The following MYO9A variants were observed in gnomAD, a reference collection of about 807,000 sequenced individuals.
MYO9A encodes the protein unconventional myosin-IXa.
A neutral mutation model predicts 293.3 loss-of-function variants in MYO9A; 103 were observed. That is an observed-to-expected ratio of 0.35 (90% CI 0.30 to 0.41). The LOEUF is 0.41. MYO9A is among the 10% of genes least tolerant of loss of function. The pLI, the probability that MYO9A is intolerant of heterozygous loss-of-function variation, is 1.00. For missense variants in MYO9A, 2,685 were observed against 3,033.0 expected (o/e 0.89, Z 2.69); for synonymous variants, 1,001 against 1,035.7 (o/e 0.97, Z 0.64).
intron 2 of MYO9A, among the ~76,000 whole-genome samples, chr15:72,034,857 A>T (rs377691793): frequency 1.2e-4 from 19 of 152,344 alleles, no homozygotes; most frequent in African/African-American, 4.6e-4. Flanking sequence ...CAATGTCAAC[A>T]GCAAATCAGA....
At chr15:72,105,923 C>T (rs1015458192) in intron 1 of MYO9A, among the ~76,000 whole-genome samples, 12 of 151,846 alleles carry the variant, frequency 7.9e-5, no homozygotes, top group African/African-American at 1.9e-4. Context: ...ATGGTACATC[C>T]GTATAATAGA....
At chr15:71,835,743 G>A (rs1353004076) in intron 39 of MYO9A, among the ~76,000 whole-genome samples, 1 of 152,028 alleles carries the variant, frequency 6.6e-6, no homozygotes, top group Non-Finnish European at 1.5e-5. Flanking sequence ...AAAATCCCAA[G>A]AGAATTTTTT....
chr15:72,040,379 G>T (rs1318449055), intron 2 of MYO9A: 1 of 152,286 alleles, frequency 6.6e-6, no homozygotes, highest in Non-Finnish European at 1.5e-5. Flanking sequence ...AAGACAGGGT[G>T]AAGACTTGTG....
chr15:72,104,552 T>A (rs979669415), intron 1 of MYO9A, among the ~76,000 whole-genome samples: 5 of 152,184 alleles, frequency 3.3e-5, no homozygotes, highest in African/African-American at 1.2e-4. Context: ...AGGAAGTTGG[T>A]CATGGTAGAT....
chr15:72,030,994 C>T (rs1291187547), intron 3 of MYO9A, among the ~76,000 whole-genome samples: 1 of 152,170 alleles, frequency 6.6e-6, no homozygotes, highest in East Asian at 1.9e-4. Context: ...GCTCCACCTC[C>T]TGTCAGATCA....
At chr15:71,928,577 G>C (rs1226744843) in intron 18 of MYO9A, among the ~76,000 whole-genome samples, 2 of 151,932 alleles carry the variant, frequency 1.3e-5, no homozygotes, top group African/African-American at 4.8e-5. Flanking sequence ...CACTAACACA[G>C]GATATCATTT....
intron 1 of MYO9A, among the ~76,000 whole-genome samples, chr15:72,097,957 G>C (rs1335521952): frequency 6.6e-6 from 1 of 151,766 alleles, no homozygotes; most frequent in Non-Finnish European, 1.5e-5. Context: ...AGAAGAAACA[G>C]AAAAAGAAAG....
chr15:71,823,021 G>A lies in MYO9A; in HGVS notation c.*3559C>T, dbSNP rs1356111263. 6.6e-6 allele frequency: 1 copy of A among 152,102 alleles called. No individual in the cohort carries two copies. The highest frequency in any genetic ancestry group is 1.5e-5 in the Non-Finnish European group (1 of 68,028). 9.4% of individuals were successfully genotyped at this position (152,102 alleles called of 1,614,324 possible). ...TATTGCAGGACAGTGCTGGGGAGTT[G>A]TCACAAGAGTATGGGTGGACATAAC... On this transcript the variant is annotated 3_prime_UTR_variant, in exon 42 of 42. Transcript: ENST00000356056.
At chr15:72,062,445 C>G (rs2078904068) in intron 1 of MYO9A, among the ~76,000 whole-genome samples, 1 of 152,140 alleles carries the variant, frequency 6.6e-6, no homozygotes, top group Admixed American at 6.5e-5. Flanking sequence ...CTCAACAAAA[C>G]TCAAGATAAC....
chr15:72,091,017 A>G (rs2079889086), intron 1 of MYO9A, among the ~76,000 whole-genome samples: 1 of 150,038 alleles, frequency 6.7e-6, no homozygotes. Flanking sequence ...ATAAAAAAGC[A>G]ACACCTCATC....
rs967625147 is a variant in MYO9A, at chr15:71,951,344, AT to A, written c.2302+432del. 6.6e-5 allele frequency among the ~76,000 whole-genome samples: 10 copies of A among 152,264 alleles called. No individual in the cohort carries two copies. The South Asian group carries it at 1.0e-3, about 16-fold the overall frequency. ...ATTCATTATCTTGACTCTGGAGATA[AT>A]TTCATGGGTGCCTACATACGTCAAA... On this transcript the variant is annotated intron_variant, in intron 15 of 41. Coordinates refer to ENST00000356056, the MANE Select transcript of MYO9A (RefSeq NM_006901.4).
At chr15:71,873,376 C>T (rs1346678597) in intron 32 of MYO9A, among the ~76,000 whole-genome samples, 3 of 152,094 alleles carry the variant, frequency 2.0e-5, no homozygotes, top group African/African-American at 7.2e-5. Flanking sequence ...AACTCTTCTT[C>T]AATAAAGAAC....
intron 19 of MYO9A, among the ~76,000 whole-genome samples, chr15:71,915,905 A>G (rs2057996703): frequency 6.6e-6 from 1 of 152,144 alleles, no homozygotes; most frequent in South Asian, 2.1e-4. Context: ...CTATTATCAT[A>G]TTTATTCCTA....
At chr15:72,091,374 T>C (rs2079903555) in intron 1 of MYO9A, among the ~76,000 whole-genome samples, 2 of 152,220 alleles carry the variant, frequency 1.3e-5, no homozygotes, top group East Asian at 1.9e-4. Context: ...ACTTTATTCT[T>C]TTCTTGTTTT....
chr15:72,068,733 C>A (rs976909117), intron 1 of MYO9A, among the ~76,000 whole-genome samples: 1 of 151,976 alleles, frequency 6.6e-6, no homozygotes, highest in Non-Finnish European at 1.5e-5. Flanking sequence ...CACCTTGGCC[C>A]CACAAAGTGC....
chr15:72,015,220 G>C (rs1222002097), intron 6 of MYO9A, among the ~76,000 whole-genome samples: 1 of 152,038 alleles, frequency 6.6e-6, no homozygotes, highest in Non-Finnish European at 1.5e-5. Flanking sequence ...TACTAGACCG[G>C]CAGAGGGTAA....
At chr15:72,019,271 T>C (rs1156229490) in intron 5 of MYO9A, among the ~76,000 whole-genome samples, 176 bp from the exon 6 acceptor site, 1 of 152,236 alleles carries the variant, frequency 6.6e-6, no homozygotes, top group East Asian at 1.9e-4. Context: ...CTGTATACTG[T>C]ACTACCGAAC....
intron 9 of MYO9A, among the ~76,000 whole-genome samples, chr15:71,998,398 A>T (rs1028795263): frequency 2.6e-5 from 4 of 152,122 alleles, no homozygotes; most frequent in Non-Finnish European, 5.9e-5. Flanking sequence ...CCCCCATGAC[A>T]CAAGTTTACC....
intron 3 of MYO9A, among the ~76,000 whole-genome samples, chr15:72,028,218 A>AATATAT (rs33914430): frequency 0.13 from 16,756 of 134,006 alleles, 1,182 homozygotes; most frequent in East Asian, 0.29. Context: ...TAAATAAATA[A>AATATAT]ATATATATAT....
Sources: allele counts gnomAD v4.1 joint callset (sites outside exome capture counted in the v4.1 genomes callset), GRCh38; gene constraint gnomAD v4.1.1; transcripts MANE v1.5; gene names NCBI Gene and HGNC (gene_info 2026-07-23, HGNC 2026-07-21).